RPL7A: variants seen among roughly 807,000 people sequenced by gnomAD.
RPL7A encodes large ribosomal subunit protein eL8.
For missense variants in RPL7A, 291 were observed against 338.2 expected (o/e 0.86, Z 1.09); for synonymous variants, 158 against 128.2 (o/e 1.23, Z -1.57).
intron 5 of RPL7A, 81 bp from the exon 6 acceptor site, chr9:133,350,516 A>C: frequency 6.2e-7 from 1 of 1,607,424 alleles, no homozygotes; most frequent in Non-Finnish European, 8.5e-7. Context: ...TGAGCTTTTT[A>C]ACCCTGAGCA....
intron 2 of RPL7A, 88 bp downstream of exon 2, chr9:133,349,130 G>C (rs2129983693): frequency 5.9e-6 from 9 of 1,518,746 alleles, no homozygotes; most frequent in Non-Finnish European, 8.1e-6. Context: ...GTAGGTTTTA[G>C]TGGGTGTAAA....
intron 5 of RPL7A, 119 bp downstream of exon 5, chr9:133,350,438 CCAACACATGCGTGGCTCTTG>C: frequency 3.4e-6 from 5 of 1,488,358 alleles, no homozygotes; most frequent in Non-Finnish European, 4.7e-6. Context: ...TGACACAGAT[CCAACACATGCGTGGCTCTTG>C]CAATGATGTG....
chr9:133,351,122 A>G (rs2129998275), intron 7 of RPL7A, 51 bp downstream of exon 7: 2 of 1,592,158 alleles, frequency 1.3e-6, no homozygotes, highest in South Asian at 2.2e-5. Flanking sequence ...TCTTTCTCCC[A>G]AATAACTGGC....
intron 3 of RPL7A, 75 bp downstream of exon 3, chr9:133,349,775 T>TCTTAGG: frequency 6.3e-7 from 1 of 1,592,238 alleles, no homozygotes; most frequent in African/African-American, 1.3e-5. Flanking sequence ...AGGGGGATGG[T>TCTTAGG]CTTAGGCTTC....
chr9:133,348,314 G>C (rs1836267915), intron 1 of RPL7A, 68 bp downstream of exon 1: 1 of 1,609,946 alleles, frequency 6.2e-7, no homozygotes, highest in Non-Finnish European at 8.5e-7. Flanking sequence ...TCCTCCTCCA[G>C]GCGCGGCCTC....
chr9:133,349,884 A>G, intron 3 of RPL7A, 28 bp from the exon 4 acceptor site: 1 of 1,609,128 alleles, frequency 6.2e-7, no homozygotes, highest in Admixed American at 1.7e-5. Flanking sequence ...CCTTGACTCC[A>G]AGCCTAAACT....
At chr9:133,349,851 G>A (rs1836333687) in intron 3 of RPL7A, 61 bp from the exon 4 acceptor site, 2 of 1,597,038 alleles carry the variant, frequency 1.3e-6, no homozygotes, top group Admixed American at 3.5e-5. Flanking sequence ...TTGTTATTAA[G>A]TGTTAAGTGA....
intron 1 of RPL7A, 34 bp from the exon 2 acceptor site, chr9:133,348,888 G>T (rs2129981859): frequency 1.9e-6 from 3 of 1,612,966 alleles, no homozygotes; most frequent in Non-Finnish European, 2.5e-6. Context: ...GCGAGTGGAG[G>T]CGGCGGTTTA....
rs2129990539 is a variant in RPL7A, at chr9:133,349,995, A to C, written c.358A>C (p.Lys120Gln). Residue 120 changes from lysine (K) to glutamine (Q), a missense_variant, in exon 4 of 8, where the codon AAG (lysine) becomes CAG (glutamine). By Grantham distance (53) the Lys-to-Gln change is moderately conservative. Transcript: ENST00000323345. ...KKQRLLARAE[K>Q]KAAGKGDVPT... Reference sequence around the variant, plus strand: ...GCAGAGACTGTTGGCCCGGGCCGAGAAGAAGGCTGCTGGCAAAGGGGACGT... The same window carrying C: ...GCAGAGACTGTTGGCCCGGGCCGAGCAGAAGGCTGCTGGCAAAGGGGACGT... 6.2e-7 allele frequency: 1 copy of C among 1,612,822 alleles called. No individual in the cohort carries two copies. The highest frequency in any genetic ancestry group is 1.7e-5 in the Admixed American group (1 of 60,028).
intron 6 of RPL7A, 77 bp downstream of exon 6, chr9:133,350,804 A>G (rs1836377209): frequency 6.3e-7 from 1 of 1,597,406 alleles, no homozygotes; most frequent in African/African-American, 1.3e-5. Flanking sequence ...TTTTGCCTTA[A>G]AGGCCAATCT....
intron 2 of RPL7A, 160 bp from the exon 3 acceptor site, chr9:133,349,391 T>A (rs2129985519): frequency 2.0e-6 from 2 of 980,854 alleles, no homozygotes; most frequent in Non-Finnish European, 3.3e-6. Flanking sequence ...TCTCAGGTGT[T>A]TGTGTGCAGA....
rs2129983730 is a variant in RPL7A at position 133,349,135 on chromosome 9, T to G, written c.124+93T>G. On this transcript the variant is annotated intron_variant, in intron 2 of 7. Coordinates refer to ENST00000323345, the MANE Select transcript of RPL7A (RefSeq NM_000972.3). ...GTTGTATCTTGTAGGTTTTAGTGGG[T>G]GTAAAGTGGTCGCAGTCCTTAATTT... 5.7e-5 allele frequency: 83 copies of G among 1,458,070 alleles called. No individual in the cohort carries two copies. In the African/African-American group the frequency reaches 6.9e-4, roughly 12 times the overall value. 90.3% of individuals were successfully genotyped at this position (1,458,070 alleles called of 1,614,324 possible). A position where few individuals can be genotyped will look rare whatever the true frequency, so the allele number is the denominator to read the frequency against.
chr9:133,351,365 A>G lies in RPL7A; in HGVS notation c.800A>G (p.Ter267=). The part of the protein sequence containing the change: ...KAKELATKLG[*] ...AAAGAACTTGCCACTAAACTGGGTTAAATGTACACTGTTGAGTTTTCTGTA... is the reference window on the plus strand; with the variant it reads ...AAAGAACTTGCCACTAAACTGGGTTGAATGTACACTGTTGAGTTTTCTGTA... Residue 267 remains the stop codon, a stop_retained_variant, in exon 8 of 8, where the codon TAA becomes TGA. Transcript: ENST00000323345. The G allele has an allele frequency of 6.3e-7, 1 of 1,588,614 alleles. No homozygotes were observed. Among genetic ancestry groups the G allele is most frequent in the African/African-American group, 1.3e-5 (1 of 74,606 alleles).
chr9:133,348,284 T>G, intron 1 of RPL7A, 38 bp downstream of exon 1: 1 of 1,613,988 alleles, frequency 6.2e-7, no homozygotes, highest in Non-Finnish European at 8.5e-7. Context: ...ATAGCCAGGT[T>G]CCGGCTGTAT....
At chr9:133,349,063 T>C (rs2129983152) in intron 2 of RPL7A, 21 bp downstream of exon 2, 58 of 1,612,284 alleles carry the variant, frequency 3.6e-5, no homozygotes, top group Non-Finnish European at 4.8e-5. Flanking sequence ...AACGGCAGAA[T>C]GAAAACGGTC....
chr9:133,350,814 TTTTAG>T, intron 6 of RPL7A, 87 bp downstream of exon 6: 1 of 1,583,936 alleles, frequency 6.3e-7, no homozygotes, highest in Non-Finnish European at 8.7e-7. Flanking sequence ...AAGGCCAATC[TTTTAG>T]TTTAAGAAAT....
At chr9:133,350,153 T>C (rs200832657) in intron 4 of RPL7A, 87 bp from the exon 5 acceptor site, 146 of 1,612,784 alleles carry the variant, frequency 9.1e-5, no homozygotes, top group Non-Finnish European at 1.2e-4. Flanking sequence ...ACCGAGCTTT[T>C]TAACACTGAG....
chr9:133,348,271 A>G (rs2129977553), intron 1 of RPL7A, 25 bp downstream of exon 1: 14 of 1,613,800 alleles, frequency 8.7e-6, no homozygotes, highest in African/African-American at 2.7e-5. Context: ...GTTCCGTGGC[A>G]CTATAGCCAG....
At chr9:133,348,386 G>C (rs2129978266) in intron 1 of RPL7A, 140 bp downstream of exon 1, 1 of 1,226,222 alleles carries the variant, frequency 8.2e-7, no homozygotes, top group Non-Finnish European at 1.2e-6. Context: ...CGGAGACACC[G>C]AGGTGGATTA....
Sources: allele counts gnomAD v4.1 joint callset, GRCh38; gene constraint gnomAD v4.1.1; transcripts MANE v1.5; gene names NCBI Gene and HGNC (gene_info 2026-07-23, HGNC 2026-07-21).